XYLT1: variants seen among roughly 807,000 people sequenced by gnomAD.
XYLT1 encodes beta-D-xylosyltransferase 1.
Under a neutral mutation model 91.3 loss-of-function variants are expected in XYLT1, and 36 were observed. The ratio of observed to expected loss-of-function variants is 0.39; its 90% CI spans 0.30 to 0.52. The LOEUF is 0.52. XYLT1 is among the 20% of genes least tolerant of loss of function. The pLI is 0.68. For missense variants in XYLT1, 1,242 were observed against 1,284.5 expected, an observed-to-expected ratio of 0.97 and a Z score of 0.51; for synonymous variants, 588 against 532.0, an observed-to-expected ratio of 1.11 and a Z score of -1.45.
At chr16:17,291,765 C>T (rs766999015) in intron 2 of XYLT1, among the ~76,000 whole-genome samples, 2 of 152,108 alleles carry the variant, frequency 1.3e-5, no homozygotes. Flanking sequence ...TCCTGCTGTT[C>T]GGTGTTACAA....
intron 2 of XYLT1, among the ~76,000 whole-genome samples, chr16:17,269,793 T>TTATTATTATTAC (rs1377674298): frequency 8.4e-5 from 3 of 35,644 alleles, no homozygotes; most frequent in Non-Finnish European, 1.6e-4. Context: ...CCTTCTCCCT[T>TTATTATTATTAC]TATTATTATT....
At chr16:17,297,792 C>T (rs547719911) in intron 2 of XYLT1, among the ~76,000 whole-genome samples, 45 of 152,190 alleles carry the variant, frequency 3.0e-4, no homozygotes, top group African/African-American at 7.2e-4. Context: ...GAGGTCGAGG[C>T]GGGCAGATCA....
intron 2 of XYLT1, among the ~76,000 whole-genome samples, chr16:17,335,463 G>A (rs1003989825): frequency 6.6e-6 from 1 of 152,022 alleles, no homozygotes; most frequent in African/African-American, 2.4e-5. Context: ...GGCCAAGGCA[G>A]GCAGATCACC....
intron 5 of XYLT1, among the ~76,000 whole-genome samples, chr16:17,165,228 C>T (rs1354829895): frequency 1.3e-5 from 2 of 152,204 alleles, no homozygotes; most frequent in East Asian, 1.9e-4. Context: ...ATCCTCATGA[C>T]AACCCTAAGA....
At chr16:17,463,146 G>C (rs1258745282) in intron 1 of XYLT1, among the ~76,000 whole-genome samples, 1 of 152,024 alleles carries the variant, frequency 6.6e-6, no homozygotes, top group East Asian at 1.9e-4. Flanking sequence ...AAACATTGGG[G>C]AGACACTTCA....
Position 17,122,862 on chromosome 16 carries a change from T to C in XYLT1, c.2223+4804A>G, listed in dbSNP as rs546532820. 5.3e-5 allele frequency among the ~76,000 whole-genome samples: 8 copies of C among 152,352 alleles called. No homozygotes were observed. In the East Asian group the frequency reaches 1.5e-3, roughly 29 times the overall value. ...AGGGTGTTCTTTTCCCACTTTGTTT[T>C]TGTGTGCCGTGTTGAAGATCAGTAA... On this transcript the variant is annotated intron_variant, in intron 10 of 11. Coordinates refer to ENST00000261381, the MANE Select transcript of XYLT1 (RefSeq NM_022166.4).
At chr16:17,131,338 T>C (rs764299746) in intron 9 of XYLT1, among the ~76,000 whole-genome samples, 1 of 152,214 alleles carries the variant, frequency 6.6e-6, no homozygotes, top group Non-Finnish European at 1.5e-5. Flanking sequence ...CAACCAATCA[T>C]CATCTACAGG....
chr16:17,306,632 T>C (rs925111640), intron 2 of XYLT1, among the ~76,000 whole-genome samples: 7 of 152,152 alleles, frequency 4.6e-5, no homozygotes, highest in Non-Finnish European at 8.8e-5. Flanking sequence ...TTTCACTTTA[T>C]GCAGCAGACA....
At chr16:17,268,632 C>G (rs11860335) in intron 2 of XYLT1, among the ~76,000 whole-genome samples, 14,703 of 151,156 alleles carry the variant, frequency 0.097, 914 homozygotes, top group African/African-American at 0.17. Flanking sequence ...TACACACACA[C>G]AGAACAGATA....
chr16:17,379,797 C>T (rs2035656873), intron 1 of XYLT1, among the ~76,000 whole-genome samples: 1 of 116,210 alleles, frequency 8.6e-6, no homozygotes, highest in Non-Finnish European at 1.8e-5. Context: ...ACACACACCC[C>T]TTACCTCCAG....
chr16:17,187,332 T>C lies in XYLT1; in HGVS notation c.1289+10880A>G, dbSNP rs911084380. 2.8e-5 allele frequency among the ~76,000 whole-genome samples: 4 copies of C among 140,804 alleles called. No individual in the cohort carries two copies. The South Asian group carries it at 8.9e-4, about 31-fold the overall frequency. 92.4% of individuals were successfully genotyped at this position (140,804 alleles called of 152,430 possible). A position where few individuals can be genotyped will look rare whatever the true frequency, so the allele number is the denominator to read the frequency against. On this transcript the variant is annotated intron_variant, in intron 5 of 11. Transcript: ENST00000261381. The stretch of plus-strand genomic sequence containing the variant: ...TCCCTTGAACCAGGGAGGCGGAGCT[T>C]GCAATGAGCCGAGATCACGCCATTG...
At chr16:17,189,102 G>C (rs966765083) in intron 5 of XYLT1, among the ~76,000 whole-genome samples, 1 of 152,200 alleles carries the variant, frequency 6.6e-6, no homozygotes, top group African/African-American at 2.4e-5. Flanking sequence ...TGTGGGAGTA[G>C]AGAAGTATCT....
At chr16:17,395,662 CT>C (rs1209069424) in intron 1 of XYLT1, among the ~76,000 whole-genome samples, 2 of 152,226 alleles carry the variant, frequency 1.3e-5, no homozygotes, top group Non-Finnish European at 2.9e-5. Context: ...ACAGGTGCCC[CT>C]GTTAAACTGA....
At chr16:17,133,210 G>A (rs1487121720) in intron 9 of XYLT1, among the ~76,000 whole-genome samples, 1 of 151,910 alleles carries the variant, frequency 6.6e-6, no homozygotes, top group Non-Finnish European at 1.5e-5. Context: ...TGCTGGCCAG[G>A]GATGAGACAC....
chr16:17,289,446 C>G (rs1187302404), intron 2 of XYLT1, among the ~76,000 whole-genome samples: 1 of 152,182 alleles, frequency 6.6e-6, no homozygotes, highest in Non-Finnish European at 1.5e-5. Flanking sequence ...AGACATGTGA[C>G]AAGTACCTCT....
At chr16:17,183,445 A>C (rs1057096449) in intron 5 of XYLT1, among the ~76,000 whole-genome samples, 10 of 151,510 alleles carry the variant, frequency 6.6e-5, no homozygotes, top group African/African-American at 2.4e-4. Flanking sequence ...TTGGCAAAAA[A>C]CTCAGGTCCT....
chr16:17,386,918 T>C (rs1411744532), intron 1 of XYLT1, among the ~76,000 whole-genome samples: 1 of 152,134 alleles, frequency 6.6e-6, no homozygotes, highest in East Asian at 1.9e-4. Flanking sequence ...GCAAATTTAA[T>C]AGTCAAGCCA....
chr16:17,342,583 G>A (rs765106310), intron 2 of XYLT1, among the ~76,000 whole-genome samples: 15 of 152,136 alleles, frequency 9.9e-5, no homozygotes, highest in African/African-American at 1.7e-4. Context: ...TTAGTTGGGC[G>A]AGGTGGCGCG....
At chr16:17,385,095 C>T (rs1045682698) in intron 1 of XYLT1, among the ~76,000 whole-genome samples, 1 of 151,626 alleles carries the variant, frequency 6.6e-6, no homozygotes, top group African/African-American at 2.4e-5. Flanking sequence ...CATTTACTCC[C>T]AAAGAGGAGA....
Sources: allele counts gnomAD v4.1 joint callset (sites outside exome capture counted in the v4.1 genomes callset), GRCh38; gene constraint gnomAD v4.1.1; transcripts MANE v1.5; gene names NCBI Gene and HGNC (gene_info 2026-07-23, HGNC 2026-07-21).